DGKB: variants seen among roughly 807,000 people sequenced by gnomAD.
The protein encoded by DGKB is diacylglycerol kinase beta, also known as 90 kDa diacylglycerol kinase.
In DGKB, 67 loss-of-function variants were observed where a neutral mutation model predicts 114.3. The ratio of observed to expected loss-of-function variants is 0.59; its 90% CI spans 0.48 to 0.72. DGKB has a LOEUF of 0.72. Ranked by LOEUF, DGKB falls within the 30% of genes least tolerant of loss-of-function variation. DGKB has a pLI of 0.00. For missense variants in DGKB, 907 were observed against 975.2 expected (o/e 0.93, Z 0.93); for synonymous variants, 398 against 323.1 (o/e 1.23, Z -2.49).
chr7:14,792,270 A>G (rs1323888384), intron 2 of DGKB, among the ~76,000 whole-genome samples: 1 of 152,154 alleles, frequency 6.6e-6, no homozygotes, highest in Non-Finnish European at 1.5e-5. Flanking sequence ...TGAAAGTTAA[A>G]TATAATAATG....
At chr7:14,595,806 T>C (rs1225684365) in intron 17 of DGKB, among the ~76,000 whole-genome samples, 2 of 151,968 alleles carry the variant, frequency 1.3e-5, no homozygotes, top group Non-Finnish European at 2.9e-5. Context: ...TCTTTTCCTC[T>C]AGAATGATTT....
At chr7:14,361,457 G>C (rs915439634) in intron 21 of DGKB, among the ~76,000 whole-genome samples, 4 of 151,840 alleles carry the variant, frequency 2.6e-5, no homozygotes, top group African/African-American at 9.7e-5. Flanking sequence ...TTTTGTCATG[G>C]ATTTACATCT....
intron 1 of DGKB, among the ~76,000 whole-genome samples, chr7:14,949,546 CAG>C (rs2128259363): frequency 6.6e-6 from 1 of 151,848 alleles, no homozygotes; most frequent in Admixed American, 6.6e-5. Context: ...ATATGTATAA[CAG>C]AAGTAATAAG....
intron 21 of DGKB, among the ~76,000 whole-genome samples, chr7:14,467,724 G>GT (rs1335440279): frequency 6.6e-6 from 1 of 152,038 alleles, no homozygotes; most frequent in African/African-American, 2.4e-5. Context: ...ACTTTGTTCA[G>GT]TCAGAAAATA....
At chr7:14,754,768 C>T (rs1399197804) in intron 3 of DGKB, among the ~76,000 whole-genome samples, 1 of 152,138 alleles carries the variant, frequency 6.6e-6, no homozygotes, top group African/African-American at 2.4e-5. Flanking sequence ...TAGGTGGAGG[C>T]TAATAAGACT....
chr7:14,915,033 C>T (rs963387046), intron 1 of DGKB, among the ~76,000 whole-genome samples: 2 of 151,880 alleles, frequency 1.3e-5, no homozygotes, highest in Non-Finnish European at 2.9e-5. Flanking sequence ...AATTATGGGA[C>T]AATTACAAAC....
intron 24 of DGKB, 114 bp downstream of exon 24, chr7:14,177,917 C>A: frequency 1.8e-6 from 2 of 1,108,764 alleles, no homozygotes; most frequent in Non-Finnish European, 1.2e-6. Flanking sequence ...GTATTAATAA[C>A]TGATTATTTG....
chr7:14,482,702 C>A (rs1783163197), intron 20 of DGKB, among the ~76,000 whole-genome samples: 1 of 152,048 alleles, frequency 6.6e-6, no homozygotes, highest in South Asian at 2.1e-4. Context: ...CTGTATTTCC[C>A]ATCTGGAATA....
At chr7:14,915,873 G>A (rs1461871048) in intron 1 of DGKB, among the ~76,000 whole-genome samples, 1 of 152,096 alleles carries the variant, frequency 6.6e-6, no homozygotes, top group Non-Finnish European at 1.5e-5. Context: ...ATATAGTTCA[G>A]AAATTTGAAT....
intron 23 of DGKB, among the ~76,000 whole-genome samples, chr7:14,233,140 C>A (rs937152295): frequency 2.0e-5 from 3 of 151,958 alleles, no homozygotes; most frequent in African/African-American, 7.2e-5. Flanking sequence ...CACTGAAGAT[C>A]CCTCAAGACA....
At chr7:14,454,657 C>T (rs1177634804) in intron 21 of DGKB, among the ~76,000 whole-genome samples, 1 of 152,010 alleles carries the variant, frequency 6.6e-6, no homozygotes, top group Non-Finnish European at 1.5e-5. Flanking sequence ...GAACTTTCAA[C>T]TCCATTTTTC....
intron 2 of DGKB, among the ~76,000 whole-genome samples, chr7:14,783,319 C>T (rs1255048807): frequency 6.6e-6 from 1 of 152,112 alleles, no homozygotes; most frequent in Non-Finnish European, 1.5e-5. Flanking sequence ...AATTTCAAAA[C>T]TCGGATTCAC....
At chr7:14,698,344 A>C (rs1824460642) in intron 7 of DGKB, among the ~76,000 whole-genome samples, 175 bp from the exon 8 acceptor site, 1 of 152,140 alleles carries the variant, frequency 6.6e-6, no homozygotes, top group Non-Finnish European at 1.5e-5. Context: ...ATAAAGAAAA[A>C]AGAATCCTGA....
chr7:14,565,110 A>T (rs1035070179), intron 20 of DGKB, among the ~76,000 whole-genome samples: 1 of 152,174 alleles, frequency 6.6e-6, no homozygotes, highest in Admixed American at 6.6e-5. Flanking sequence ...TTGGCTAATG[A>T]CACATTAGCA....
chr7:14,845,407 G>A (rs1400401409), intron 1 of DGKB, among the ~76,000 whole-genome samples: 1 of 151,946 alleles, frequency 6.6e-6, no homozygotes. Context: ...TACAATTAGG[G>A]GAAATATAAG....
rs185196234 is a variant in DGKB at position 14,302,370 on chromosome 7, T to C, written c.2122+36145A>G. ...TTTGTGATAAATCAGCAAGTGTATA[T>C]TTTATTTTGAAATTTGTGTACCTGT... is the stretch of plus-strand genomic sequence containing the variant. On this transcript the variant is annotated intron_variant, in intron 23 of 25. Transcript: ENST00000402815. 5.9e-5 allele frequency among the ~76,000 whole-genome samples: 9 copies of C among 152,202 alleles called. No individual in the cohort carries two copies. In the East Asian group the frequency reaches 1.7e-3, roughly 30 times the overall value.
At chr7:14,612,541 A>T (rs533816311) in intron 16 of DGKB, among the ~76,000 whole-genome samples, 1 of 152,254 alleles carries the variant, frequency 6.6e-6, no homozygotes, top group South Asian at 2.1e-4. Context: ...AAATGGTAGA[A>T]AAAAATTACT....
chr7:14,789,717 G>A (rs986633109), intron 2 of DGKB, among the ~76,000 whole-genome samples: 1 of 129,204 alleles, frequency 7.7e-6, no homozygotes, highest in African/African-American at 3.6e-5. Flanking sequence ...ACCACATCTG[G>A]CTAATTTAAA....
intron 13 of DGKB, among the ~76,000 whole-genome samples, chr7:14,651,230 T>C (rs201310421): frequency 6.6e-6 from 1 of 152,038 alleles, no homozygotes; most frequent in Admixed American, 6.6e-5. Flanking sequence ...TTGATGAACA[T>C]TGATGCAAAA....
Sources: gnomAD v4.1 joint callset for allele counts (sites outside exome capture counted in the v4.1 genomes callset) on GRCh38, gnomAD v4.1.1 for gene constraint, MANE v1.5 for transcripts, NCBI Gene and HGNC (gene_info 2026-07-23, HGNC 2026-07-21) for gene names.